The following IDO1 variants were observed in gnomAD, a reference collection of about 807,000 sequenced individuals.
IDO1 encodes the protein indoleamine 2,3-dioxygenase 1.
A neutral mutation model predicts 38.8 loss-of-function variants in IDO1; 35 were observed. The ratio of observed to expected loss-of-function variants is 0.90; its 90% CI spans 0.69 to 1.20. IDO1 has a LOEUF of 1.20. IDO1 is among the 50% of genes most tolerant of loss of function. The probability of loss-of-function intolerance (pLI) is 0.00; values close to 1 mark genes in which losing one functional copy is unlikely to be tolerated. For synonymous variants in IDO1, 171 were observed against 170.0 expected (o/e 1.01, Z -0.05); for missense variants, 509 against 485.1 (o/e 1.05, Z -0.46).
chr8:39,916,434 C>T (rs1194658802), intron 1 of IDO1, among the ~76,000 whole-genome samples: 1 of 151,928 alleles, frequency 6.6e-6, no homozygotes, highest in South Asian at 2.1e-4. Flanking sequence ...ACTGAGATTG[C>T]GCCACTGCAC....
chr8:39,914,151 A>G, intron 1 of IDO1, 142 bp downstream of exon 1: 1 of 605,982 alleles, frequency 1.7e-6, no homozygotes, highest in Non-Finnish European at 3.0e-6. Context: ...AGAGAGCTGT[A>G]ATAACTGCAT....
intron 1 of IDO1, among the ~76,000 whole-genome samples, chr8:39,916,054 T>C (rs900133432): frequency 6.6e-6 from 1 of 152,016 alleles, no homozygotes; most frequent in Non-Finnish European, 1.5e-5. Flanking sequence ...TAATCCTCGC[T>C]ACTCAGGAGG....
intron 7 of IDO1, among the ~76,000 whole-genome samples, chr8:39,924,353 C>G (rs1807325217): frequency 6.6e-6 from 1 of 151,920 alleles, no homozygotes; most frequent in Non-Finnish European, 1.5e-5. Flanking sequence ...GAAGTGAGAC[C>G]CTGTCTCCAA....
At position 39,921,325 on chromosome 8, in the gene IDO1, T is replaced by A. The variant is rs187837720; in HGVS notation, c.437+1211T>A. Reference sequence around the variant, plus strand: ...AAAATTAGCGGGGCATGGTGGCACATGCCTGTAATCTCAGCTACTCGGGAG... The same window carrying A: ...AAAATTAGCGGGGCATGGTGGCACAAGCCTGTAATCTCAGCTACTCGGGAG... On this transcript the variant is annotated intron_variant, in intron 5 of 9. Coordinates refer to ENST00000518237, the MANE Select transcript of IDO1 (RefSeq NM_002164.6). Among the ~76,000 whole-genome samples, 246 of 152,064 alleles carry A rather than the reference T, an allele frequency of 1.6e-3. 1 individual carries two copies. Among genetic ancestry groups the A allele is most frequent in the African/African-American group, 5.8e-3 (240 of 41,486 alleles).
rs377416642 is a variant in IDO1 at position 39,914,955 on chromosome 8, C to T, written c.87+946C>T. Among the ~76,000 whole-genome samples, 12 of 152,152 alleles carry T rather than the reference C, an allele frequency of 7.9e-5. No homozygotes were observed. The East Asian group carries it at 1.7e-3, about 22-fold the overall frequency. On this transcript the variant is annotated intron_variant, in intron 1 of 9. Transcript: ENST00000518237. ...TACTTTTTTGTATTTTTAGTAGAGA[C>T]GGGGTTTCACCATGTTGGCCAGGCT...
rs1044349219 is a variant in IDO1 at position 39,923,358 on chromosome 8, C to G, written c.538-111C>G. The G allele has an allele frequency of 9.9e-6, 6 of 605,846 alleles. No homozygotes were observed. The South Asian group carries it at 1.1e-4, about 11-fold the overall frequency. The allele number at this position is 605,846 out of a possible 1,614,324, so 37.5% of individuals were successfully genotyped here. A position where few individuals can be genotyped will look rare whatever the true frequency, so the allele number is the denominator to read the frequency against. On this transcript the variant is annotated intron_variant, in intron 6 of 9. Transcript: ENST00000518237. Reference sequence around the variant, plus strand: ...GGCAGAGCTTGCAGTGAGCTGAGATCGCGCCACTGCACCCCAGCCTGGACA... The same window carrying G: ...GGCAGAGCTTGCAGTGAGCTGAGATGGCGCCACTGCACCCCAGCCTGGACA...
chr8:39,914,584 T>C (rs1439445387), intron 1 of IDO1, among the ~76,000 whole-genome samples: 18 of 152,124 alleles, frequency 1.2e-4, no homozygotes, highest in Non-Finnish European at 1.9e-4. Flanking sequence ...AAGTACAAGG[T>C]ATGTGGAAAA....
In IDO1 at chr8:39,928,420, A is replaced by C. The variant is rs1807400037; in HGVS notation, c.*235A>C. On this transcript the variant is annotated 3_prime_UTR_variant, in exon 10 of 10. Transcript: ENST00000518237. ...TTATCATTGGAATAAAATGACATTCAATAAATAAAAATGCATAAGATATAT... is the reference window on the plus strand; with the variant it reads ...TTATCATTGGAATAAAATGACATTCCATAAATAAAAATGCATAAGATATAT... The C allele has an allele frequency of 2.1e-5, 9 of 424,104 alleles. No homozygotes were observed. The South Asian group carries it at 2.2e-4, about 11-fold the overall frequency. 26.3% of individuals were successfully genotyped at this position (424,104 alleles called of 1,614,324 possible).
chr8:39,926,118 C>T (rs1396120349), intron 9 of IDO1, among the ~76,000 whole-genome samples: 1 of 151,944 alleles, frequency 6.6e-6, no homozygotes, highest in East Asian at 1.9e-4. Context: ...ACCCAGGAGG[C>T]GGAGCTTGCA....
At chr8:39,915,537 T>C (rs1480893132) in intron 1 of IDO1, 2 of 152,192 alleles carry the variant, frequency 1.3e-5, no homozygotes, top group Non-Finnish European at 2.9e-5. Flanking sequence ...AGATTGTTAA[T>C]TAAAGAAAAT....
rs1391037370 is a variant in IDO1 at position 39,913,933 on chromosome 8, C to G, written c.11C>G (p.Ala4Gly). The G allele has an allele frequency of 6.4e-7, 1 of 1,569,204 alleles. No homozygotes were observed. Among genetic ancestry groups the G allele is most frequent in the Non-Finnish European group, 8.6e-7 (1 of 1,156,878 alleles). Reference protein sequence around the residue: MAHAMENSWTISKE... With the variant: MAHGMENSWTISKE... ...GAGCAGACTACAAGAATGGCACACG[C>G]TATGGAAAACTCCTGGACAATCAGT... Residue 4 changes from alanine to glycine, a missense_variant, in exon 1 of 10, where the codon GCT becomes GGT. By Grantham distance (60) the Ala-to-Gly change is moderately conservative. Transcript: ENST00000518237.
At chr8:39,923,636 C>A in intron 7 of IDO1, 50 bp downstream of exon 7, 1 of 1,099,088 alleles carries the variant, frequency 9.1e-7, no homozygotes, top group Non-Finnish European at 1.4e-6. Flanking sequence ...TCAAATGTTC[C>A]AGGTGTAGAA....
chr8:39,923,113 G>A (rs940058959), intron 6 of IDO1, among the ~76,000 whole-genome samples: 1 of 152,124 alleles, frequency 6.6e-6, no homozygotes, highest in Non-Finnish European at 1.5e-5. Flanking sequence ...GATTAAGACG[G>A]GGGAATTTGG....
At chr8:39,925,135 G>C (rs2302843) in intron 8 of IDO1, 88 bp from the exon 9 acceptor site, 2 of 1,247,114 alleles carry the variant, frequency 1.6e-6, no homozygotes, top group African/African-American at 3.0e-5. Flanking sequence ...GTCACCTTCT[G>C]TTCAGCACTA....
intron 1 of IDO1, among the ~76,000 whole-genome samples, chr8:39,916,817 A>T (rs1807181272): frequency 6.6e-6 from 1 of 152,224 alleles, no homozygotes; most frequent in Non-Finnish European, 1.5e-5. Context: ...TAAATTTTAT[A>T]CTTGTTGAAA....
chr8:39,928,054 C>T lies in IDO1; in HGVS notation c.1081C>T (p.Gln361Ter), dbSNP rs1256305116. Reference protein sequence around the residue: ...TKYILIPASQQPKENKTSEDP... With the variant: ...TKYILIPASQ Reference sequence around the variant, plus strand: ...GTACATCCTGATTCCTGCAAGCCAGCAGCCAAAGGAGAATAAGACCTCTGA... The same window carrying T: ...GTACATCCTGATTCCTGCAAGCCAGTAGCCAAAGGAGAATAAGACCTCTGA... The change falls in exon 10 of 10, where the codon CAG (glutamine) becomes TAG (stop). Residue 361 changes from glutamine to a stop codon, truncating the protein, a stop_gained. Transcript: ENST00000518237. LOFTEE classifies it low-confidence loss of function (END_TRUNC). 12 of 1,610,908 alleles carry T rather than the reference C, an allele frequency of 7.4e-6. No homozygotes were observed. In the East Asian group the frequency reaches 2.5e-4, roughly 33 times the overall value.
At chr8:39,919,877 A>T (rs1008090637) in intron 4 of IDO1, among the ~76,000 whole-genome samples, 1 of 152,196 alleles carries the variant, frequency 6.6e-6, no homozygotes, top group Non-Finnish European at 1.5e-5. Flanking sequence ...TTGACTGTCC[A>T]TGTGTGTTCC....
intron 7 of IDO1, among the ~76,000 whole-genome samples, chr8:39,924,246 G>T (rs1301101683): frequency 6.6e-6 from 1 of 151,982 alleles, no homozygotes; most frequent in Non-Finnish European, 1.5e-5. Context: ...CATATGTGTA[G>T]TTTCCAGCTA....
At chr8:39,919,876 C>T (rs1287650361) in intron 4 of IDO1, among the ~76,000 whole-genome samples, 1 of 152,068 alleles carries the variant, frequency 6.6e-6, no homozygotes, top group South Asian at 2.1e-4. Flanking sequence ...TTTGACTGTC[C>T]ATGTGTGTTC....
Sources: allele counts gnomAD v4.1 joint callset (sites outside exome capture counted in the v4.1 genomes callset), GRCh38; gene constraint gnomAD v4.1.1; transcripts MANE v1.5; gene names NCBI Gene and HGNC (gene_info 2026-07-23, HGNC 2026-07-21).